Variants in AK9 observed in about 807,000 individuals in gnomAD.
AK9 encodes adenylate kinase 9.
AK9 carries 191 observed loss-of-function variants against 239.6 expected under a neutral mutation model. The ratio of observed to expected loss-of-function variants is 0.80; its 90% CI spans 0.71 to 0.90. The LOEUF is 0.90. AK9 is among the 40% of genes least tolerant of loss of function. AK9 has a pLI of 0.00. For synonymous variants in AK9, 689 were observed against 721.0 expected (o/e 0.96, Z 0.71); for missense variants, 1,995 against 2,214.7 (o/e 0.90, Z 1.99).
At chr6:109,586,408 G>A (rs1216024821) in intron 17 of AK9, among the ~76,000 whole-genome samples, 1 of 152,064 alleles carries the variant, frequency 6.6e-6, no homozygotes, top group Admixed American at 6.6e-5. Flanking sequence ...TCTCTAATGA[G>A]ACAACGACAA....
chr6:109,516,215 G>A (rs900681361), intron 30 of AK9, 140 bp from the exon 31 acceptor site: 1 of 918,978 alleles, frequency 1.1e-6, no homozygotes, highest in Admixed American at 2.8e-5. Flanking sequence ...GTGGCTGCAT[G>A]TTGGTGACTA....
chr6:109,671,827 G>A, intron 5 of AK9, 92 bp downstream of exon 5: 1 of 1,119,204 alleles, frequency 8.9e-7, no homozygotes, highest in East Asian at 2.5e-5. Context: ...TAAGGCAAAA[G>A]AAAGGGCAAC....
In AK9 at chr6:109,592,692, C is replaced by T. The variant is rs553139871; in HGVS notation, c.1843-6620G>A. Reference sequence around the variant, plus strand: ...CGATCTCCTGACCTCATGATCCGCCCGCCTCGGCCTTCAAAAGTGCTGGTT... The same window carrying T: ...CGATCTCCTGACCTCATGATCCGCCTGCCTCGGCCTTCAAAAGTGCTGGTT... On this transcript the variant is annotated intron_variant, in intron 17 of 40. Transcript: ENST00000424296. Among the ~76,000 whole-genome samples, 525 of 152,130 alleles carry T rather than the reference C, an allele frequency of 3.5e-3. 2 individuals carry two copies. The highest frequency in any genetic ancestry group is 0.012 in the African/African-American group (500 of 41,516).
chr6:109,522,895 C>T (rs1277318320), intron 29 of AK9, among the ~76,000 whole-genome samples: 1 of 152,080 alleles, frequency 6.6e-6, no homozygotes, highest in Non-Finnish European at 1.5e-5. Context: ...ATGCAGGAAG[C>T]CTGGATCTTG....
At chr6:109,677,538 T>C (rs1441542261) in intron 1 of AK9, among the ~76,000 whole-genome samples, 1 of 152,050 alleles carries the variant, frequency 6.6e-6, no homozygotes, top group Non-Finnish European at 1.5e-5. Context: ...GTGTGTGTGA[T>C]GTGTGTGTGA....
At chr6:109,523,939 C>G (rs1780149364) in intron 29 of AK9, among the ~76,000 whole-genome samples, 1 of 152,046 alleles carries the variant, frequency 6.6e-6, no homozygotes, top group African/African-American at 2.4e-5. Context: ...TCCAGAATCC[C>G]CACAATATAA....
chr6:109,499,219 T>C lies in AK9; in HGVS notation c.4871A>G (p.Lys1624Arg). Residue 1624 changes from lysine (K) to arginine (R), a missense_variant, in exon 36 of 41, where the codon AAG (lysine) becomes AGG (arginine). Coordinates refer to ENST00000424296, the MANE Select transcript of AK9 (RefSeq NM_001145128.3). Reference sequence around the variant, plus strand: ...CAGCTCTTGAGGTGTGATACATAACTTGTCAATGCAGGCAGCTTTTCCTAT... The same window carrying C: ...CAGCTCTTGAGGTGTGATACATAACCTGTCAATGCAGGCAGCTTTTCCTAT... ...IKAGKAACID[K>R]LCITPQELLS... is the part of the protein sequence containing the mutation. 6.5e-7 allele frequency: 1 copy of C among 1,541,898 alleles called. No homozygotes were observed. Among genetic ancestry groups the C allele is most frequent in the Non-Finnish European group, 8.8e-7 (1 of 1,141,472 alleles).
chr6:109,642,939 C>T (rs1474184333), intron 9 of AK9, among the ~76,000 whole-genome samples: 2 of 152,152 alleles, frequency 1.3e-5, no homozygotes, highest in Non-Finnish European at 2.9e-5. Context: ...TAAGAGATGT[C>T]AGTGGTTAGA....
chr6:109,503,839 T>G (rs1250989072), intron 35 of AK9, among the ~76,000 whole-genome samples: 7 of 152,256 alleles, frequency 4.6e-5, no homozygotes, highest in African/African-American at 1.7e-4. Flanking sequence ...CGGGGTGGCC[T>G]GCGGTCAATG....
chr6:109,596,561 A>C (rs764197627), intron 17 of AK9, among the ~76,000 whole-genome samples: 2 of 152,178 alleles, frequency 1.3e-5, no homozygotes, highest in Non-Finnish European at 2.9e-5. Context: ...TTTGCACCTG[A>C]AGGGAGGGGT....
intron 28 of AK9, among the ~76,000 whole-genome samples, chr6:109,531,111 G>T (rs945314133): frequency 6.6e-6 from 1 of 152,204 alleles, no homozygotes; most frequent in South Asian, 2.1e-4. Flanking sequence ...TGTGGTGGCT[G>T]CTGCAGAGAA....
intron 36 of AK9, 126 bp downstream of exon 36, chr6:109,498,918 G>T: frequency 1.3e-6 from 1 of 760,548 alleles, no homozygotes; most frequent in Non-Finnish European, 2.0e-6. Flanking sequence ...TGGTCCCAGA[G>T]TCACAAGTTC....
intron 17 of AK9, among the ~76,000 whole-genome samples, chr6:109,597,270 A>G (rs1346170541): frequency 2.0e-5 from 3 of 152,206 alleles, no homozygotes; most frequent in Non-Finnish European, 4.4e-5. Context: ...AAGTGACTCT[A>G]TCAGTACAGC....
At chr6:109,641,089 A>AT (rs1253541249) in intron 10 of AK9, among the ~76,000 whole-genome samples, 1 of 150,512 alleles carries the variant, frequency 6.6e-6, no homozygotes, top group East Asian at 1.9e-4. Flanking sequence ...AATCACATCC[A>AT]TTTTTATAAA....
At chr6:109,594,660 G>A (rs1356124325) in intron 17 of AK9, among the ~76,000 whole-genome samples, 1 of 152,150 alleles carries the variant, frequency 6.6e-6, no homozygotes, top group Non-Finnish European at 1.5e-5. Flanking sequence ...TACCAAAACA[G>A]ATATATAGAC....
chr6:109,659,318 G>A lies in AK9; in HGVS notation c.540C>T (p.Val180=). ...TCTTCTTTTTCCTATGATTCTCAAT[G>A]ACTTCAGGATCCCACTGGTCTCTAC... The part of the protein sequence containing the change: ...IYSRDQWDPE[V]IENHRKKKKE... Residue 180 remains valine, a synonymous_variant, in exon 7 of 41, where the codon GTC becomes GTT. Transcript: ENST00000424296. The A allele has an allele frequency of 6.2e-7, 1 of 1,606,162 alleles. No individual in the cohort carries two copies. The highest frequency in any genetic ancestry group is 8.5e-7 in the Non-Finnish European group (1 of 1,177,688).
At chr6:109,541,535 G>A (rs532378042) in intron 27 of AK9, among the ~76,000 whole-genome samples, 26 of 152,002 alleles carry the variant, frequency 1.7e-4, no homozygotes, top group African/African-American at 4.3e-4. Context: ...CTAAGCCTCC[G>A]GAGTAGCTGG....
At chr6:109,514,995 A>G (rs1187120215) in intron 31 of AK9, among the ~76,000 whole-genome samples, 1 of 152,210 alleles carries the variant, frequency 6.6e-6, no homozygotes, top group African/African-American at 2.4e-5. Flanking sequence ...GGGCACACAG[A>G]AAAGGCCACG....
intron 13 of AK9, among the ~76,000 whole-genome samples, chr6:109,618,302 C>T (rs1241329412): frequency 1.3e-5 from 2 of 151,902 alleles, no homozygotes; most frequent in Non-Finnish European, 2.9e-5. Flanking sequence ...GATTAAGCTA[C>T]TTTCATGTGT....
Sources: allele counts gnomAD v4.1 joint callset (sites outside exome capture counted in the v4.1 genomes callset), GRCh38; gene constraint gnomAD v4.1.1; transcripts MANE v1.5; gene names NCBI Gene and HGNC (gene_info 2026-07-23, HGNC 2026-07-21).